Variants in SOBP observed in about 807,000 individuals in gnomAD.
SOBP encodes the protein sine oculis-binding protein homolog.
A neutral mutation model predicts 53.6 loss-of-function variants in SOBP; 4 were observed. That is an observed-to-expected ratio of 0.07 (90% CI 0.04 to 0.17). SOBP has a LOEUF of 0.17. Ranked by LOEUF, SOBP falls within the 10% of genes least tolerant of loss-of-function variation. The pLI is 1.00. For missense variants in SOBP, 1,088 were observed against 1,204.7 expected (o/e 0.90, Z 1.43); for synonymous variants, 584 against 522.6 (o/e 1.12, Z -1.60).
intron 4 of SOBP, among the ~76,000 whole-genome samples, chr6:107,568,589 C>G (rs919897892): frequency 2.0e-5 from 3 of 152,202 alleles, no homozygotes; most frequent in African/African-American, 7.2e-5. Flanking sequence ...CCTCTGCTAC[C>G]TCTGATGTTG....
At chr6:107,521,560 C>T (rs1349633720) in intron 3 of SOBP, among the ~76,000 whole-genome samples, 1 of 152,158 alleles carries the variant, frequency 6.6e-6, no homozygotes, top group African/African-American at 2.4e-5. Context: ...TACACTTAAC[C>T]ACCTAAGCCC....
intron 4 of SOBP, among the ~76,000 whole-genome samples, chr6:107,578,293 AT>A (rs1785300378): frequency 6.6e-6 from 1 of 151,548 alleles, no homozygotes; most frequent in Non-Finnish European, 1.5e-5. Flanking sequence ...TCTTTTCCTA[AT>A]TTTCTTGGTA....
intron 5 of SOBP, among the ~76,000 whole-genome samples, chr6:107,594,294 C>T (rs1259748547): frequency 6.6e-6 from 1 of 152,124 alleles, no homozygotes; most frequent in Admixed American, 6.5e-5. Context: ...ATCAGTGTTG[C>T]TGTGATTATG....
chr6:107,641,683 C>T (rs910545651), intron 6 of SOBP, among the ~76,000 whole-genome samples: 3 of 152,220 alleles, frequency 2.0e-5, no homozygotes, highest in Non-Finnish European at 4.4e-5. Flanking sequence ...AGTTCCCTGA[C>T]TGGTTTCCAA....
At chr6:107,603,938 T>TG (rs11408035) in intron 5 of SOBP, among the ~76,000 whole-genome samples, 75,199 of 152,084 alleles carry the variant, frequency 0.49, 23,179 homozygotes, top group Middle Eastern at 0.77. Flanking sequence ...AGGGCTGTAC[T>TG]GGGGGCATCC....
chr6:107,583,128 AT>A (rs1347976055), intron 4 of SOBP, among the ~76,000 whole-genome samples: 1 of 152,210 alleles, frequency 6.6e-6, no homozygotes, highest in Non-Finnish European at 1.5e-5. Flanking sequence ...TTATGAACTG[AT>A]TCTCTAGGGT....
intron 4 of SOBP, among the ~76,000 whole-genome samples, chr6:107,561,311 T>G (rs1277766488): frequency 6.6e-6 from 1 of 152,212 alleles, no homozygotes; most frequent in Non-Finnish European, 1.5e-5. Context: ...AGCTAAATAT[T>G]TCATCATTCT....
chr6:107,528,826 C>G (rs1783739703), intron 3 of SOBP, among the ~76,000 whole-genome samples: 1 of 152,164 alleles, frequency 6.6e-6, no homozygotes, highest in South Asian at 2.1e-4. Context: ...GTGTAGTGGT[C>G]AAGAGCTTGG....
chr6:107,532,274 A>C (rs141086178), intron 3 of SOBP, among the ~76,000 whole-genome samples: 198 of 143,010 alleles, frequency 1.4e-3, no homozygotes, highest in African/African-American at 4.9e-3. Context: ...CACACACACC[A>C]CACACACACA....
At chr6:107,644,252 C>T (rs1370788016) in intron 6 of SOBP, among the ~76,000 whole-genome samples, 4 of 152,136 alleles carry the variant, frequency 2.6e-5, no homozygotes, top group East Asian at 1.9e-4. Context: ...TGCAGTGAGC[C>T]GAATTCGTGC....
chr6:107,542,313 G>C (rs1485123974), intron 4 of SOBP, among the ~76,000 whole-genome samples: 1 of 152,132 alleles, frequency 6.6e-6, no homozygotes, highest in Non-Finnish European at 1.5e-5. Context: ...CTGTGGAGAA[G>C]GGGGAGTAAG....
intron 3 of SOBP, among the ~76,000 whole-genome samples, chr6:107,530,766 T>C (rs368592872): frequency 2.1e-4 from 32 of 152,318 alleles, no homozygotes; most frequent in Middle Eastern, 3.4e-3. Context: ...ACAAGGCAGA[T>C]GCTAACCATC....
intron 5 of SOBP, among the ~76,000 whole-genome samples, chr6:107,624,561 C>A (rs1162623605): frequency 6.6e-6 from 1 of 152,204 alleles, no homozygotes; most frequent in Non-Finnish European, 1.5e-5. Flanking sequence ...AGTGGTTAAA[C>A]TTTCTAATAA....
chr6:107,634,355 C>A lies in SOBP; in HGVS notation c.1511C>A (p.Pro504His), dbSNP rs757939526. Reference protein sequence around the residue: ...SMMPNGPMPVPQMMNFGLPSL... With the variant: ...SMMPNGPMPVHQMMNFGLPSL... Reference sequence around the variant, plus strand: ...ATGCCAAATGGCCCGATGCCGGTGCCCCAGATGATGAATTTCGGGCTGCCG... The same window carrying A: ...ATGCCAAATGGCCCGATGCCGGTGCACCAGATGATGAATTTCGGGCTGCCG... Residue 504 changes from proline (P) to histidine (H), a missense_variant, in exon 6 of 7, where the codon CCC (proline) becomes CAC (histidine). Transcript: ENST00000317357. This position sits in a 1 kb window ranked among gnomAD's most constrained non-coding sequence, Gnocchi z 4.5. 5 of 1,592,388 alleles carry A rather than the reference C, an allele frequency of 3.1e-6. No homozygotes were observed. In the East Asian group the frequency reaches 1.1e-4, roughly 36 times the overall value.
intron 5 of SOBP, among the ~76,000 whole-genome samples, chr6:107,622,073 A>G (rs1390894589): frequency 6.6e-6 from 1 of 152,250 alleles, no homozygotes; most frequent in Non-Finnish European, 1.5e-5. Context: ...GTTTTTCTAA[A>G]TAGGAAAATG....
intron 5 of SOBP, among the ~76,000 whole-genome samples, chr6:107,618,197 G>C (rs1208255051): frequency 6.6e-6 from 1 of 152,180 alleles, no homozygotes; most frequent in East Asian, 1.9e-4. Flanking sequence ...TGACTGTACA[G>C]TGTGAACAGG....
intron 4 of SOBP, among the ~76,000 whole-genome samples, chr6:107,550,440 A>G (rs1784430232): frequency 6.6e-6 from 1 of 152,220 alleles, no homozygotes; most frequent in Non-Finnish European, 1.5e-5. Context: ...CATTTATTCA[A>G]CAAGCAATAT....
At chr6:107,582,513 C>A (rs1008170669) in intron 4 of SOBP, among the ~76,000 whole-genome samples, 1 of 151,312 alleles carries the variant, frequency 6.6e-6, no homozygotes, top group South Asian at 2.1e-4. Flanking sequence ...CAGGGAAATC[C>A]GCTTGCAGTT....
chr6:107,619,507 G>A (rs1477267953), intron 5 of SOBP, among the ~76,000 whole-genome samples: 5 of 152,088 alleles, frequency 3.3e-5, no homozygotes, highest in African/African-American at 4.8e-5. Context: ...GATCCTTTTT[G>A]GGGGACAGAG....
Sources: gnomAD v4.1 joint callset for allele counts (sites outside exome capture counted in the v4.1 genomes callset) on GRCh38, gnomAD v4.1.1 for gene constraint, Gnocchi (gnomAD v3.1) non-coding constraint, MANE v1.5 for transcripts, NCBI Gene and HGNC (gene_info 2026-07-23, HGNC 2026-07-21) for gene names.